Variants in AUTS2 observed in about 807,000 individuals in gnomAD.
AUTS2 encodes autism susceptibility gene 2 protein.
Under a neutral mutation model 112.4 loss-of-function variants are expected in AUTS2, and 17 were observed. That is an observed-to-expected ratio of 0.15 (90% CI 0.10 to 0.23). The LOEUF is 0.23. Among genes scored for constraint, AUTS2 ranks in the 10% least tolerant of loss-of-function variants. The pLI is 1.00. For synonymous variants in AUTS2, 751 were observed against 702.7 expected (o/e 1.07, Z -1.09); for missense variants, 1,510 against 1,701.6 (o/e 0.89, Z 1.98).
At chr7:70,064,729 T>G (rs1802410042) in intron 2 of AUTS2, among the ~76,000 whole-genome samples, 1 of 152,206 alleles carries the variant, frequency 6.6e-6, no homozygotes, top group Non-Finnish European at 1.5e-5. Flanking sequence ...AAATTCTTTT[T>G]AAGAGTCATA....
chr7:70,618,790 A>G (rs1804516488), intron 5 of AUTS2, among the ~76,000 whole-genome samples: 1 of 152,152 alleles, frequency 6.6e-6, no homozygotes, highest in Admixed American at 6.5e-5. Flanking sequence ...AAAAAGAGAA[A>G]CACAAAAGAA....
intron 2 of AUTS2, among the ~76,000 whole-genome samples, chr7:69,972,334 C>A (rs533605368): frequency 6.6e-6 from 1 of 152,136 alleles, no homozygotes; most frequent in East Asian, 1.9e-4. Flanking sequence ...TTCACAGTTC[C>A]TAATATTTTC....
chr7:70,665,680 G>A (rs982258740), intron 5 of AUTS2, among the ~76,000 whole-genome samples: 4 of 152,102 alleles, frequency 2.6e-5, no homozygotes, highest in Admixed American at 1.3e-4. Context: ...TAAACAACTC[G>A]GGTTTGAAAT....
At chr7:70,610,790 T>A (rs1804053791) in intron 5 of AUTS2, among the ~76,000 whole-genome samples, 1 of 152,214 alleles carries the variant, frequency 6.6e-6, no homozygotes, top group Non-Finnish European at 1.5e-5. Flanking sequence ...TAGTTCTTCT[T>A]TTGAAAAATG....
At chr7:70,653,072 T>C (rs1806592295) in intron 5 of AUTS2, among the ~76,000 whole-genome samples, 1 of 151,964 alleles carries the variant, frequency 6.6e-6, no homozygotes, top group Non-Finnish European at 1.5e-5. Context: ...CTGGGCAACA[T>C]AGGAAGACTC....
intron 1 of AUTS2, among the ~76,000 whole-genome samples, chr7:69,677,553 A>G (rs966580078): frequency 2.6e-5 from 4 of 152,200 alleles, no homozygotes; most frequent in African/African-American, 9.6e-5. Context: ...GTCTACGTGG[A>G]TGAAAGGAGA....
chr7:70,144,071 A>T (rs1479860463), intron 4 of AUTS2, among the ~76,000 whole-genome samples: 1 of 152,040 alleles, frequency 6.6e-6, no homozygotes, highest in Non-Finnish European at 1.5e-5. Context: ...GAGCTCATCC[A>T]AGCCCGTGCT....
chr7:70,625,756 C>A (rs1048440435), intron 5 of AUTS2, among the ~76,000 whole-genome samples: 1 of 152,116 alleles, frequency 6.6e-6, no homozygotes, highest in African/African-American at 2.4e-5. Context: ...CACGTACATT[C>A]GTGGCTATAG....
chr7:70,183,860 C>CTTTTT (rs1554334213), intron 4 of AUTS2, among the ~76,000 whole-genome samples: 1 of 137,432 alleles, frequency 7.3e-6, no homozygotes. Flanking sequence ...GTTGCCCCTT[C>CTTTTT]TGTCTTTCTG....
chr7:70,774,392 A>G (rs770909982), intron 12 of AUTS2: 33 of 364,858 alleles, frequency 9.0e-5, no homozygotes, highest in East Asian at 5.0e-4. Context: ...TACTTAACCA[A>G]TCTTCTCTGT....
At chr7:70,180,174 T>A (rs777180259) in intron 4 of AUTS2, among the ~76,000 whole-genome samples, 1 of 152,152 alleles carries the variant, frequency 6.6e-6, no homozygotes, top group Non-Finnish European at 1.5e-5. Flanking sequence ...CTTCAGATTT[T>A]AAAAAATAAG....
intron 2 of AUTS2, among the ~76,000 whole-genome samples, chr7:70,006,027 TGTGTTA>T (rs1799531781): frequency 1.3e-5 from 2 of 152,160 alleles, no homozygotes; most frequent in Non-Finnish European, 2.9e-5. Flanking sequence ...AATGCACGCA[TGTGTTA>T]GTGTTTAGTG....
intron 4 of AUTS2, among the ~76,000 whole-genome samples, chr7:70,274,772 G>A (rs1787853035): frequency 6.6e-6 from 1 of 152,128 alleles, no homozygotes; most frequent in South Asian, 2.1e-4. Flanking sequence ...TGCCATGGAG[G>A]CCTGAAAAGG....
intron 1 of AUTS2, among the ~76,000 whole-genome samples, chr7:69,688,916 A>G (rs1227320544): frequency 6.6e-6 from 1 of 152,190 alleles, no homozygotes; most frequent in Admixed American, 6.5e-5. Flanking sequence ...ACATGTGTAA[A>G]TTTTATTCCA....
At chr7:70,414,402 G>A (rs1794907397) in intron 4 of AUTS2, among the ~76,000 whole-genome samples, 1 of 152,192 alleles carries the variant, frequency 6.6e-6, no homozygotes, top group Admixed American at 6.5e-5. Context: ...TCAGCAGTGG[G>A]ACTGGCAGAA....
At chr7:69,841,086 G>A (rs1466800306) in intron 1 of AUTS2, among the ~76,000 whole-genome samples, 1 of 152,156 alleles carries the variant, frequency 6.6e-6, no homozygotes, top group African/African-American at 2.4e-5. Flanking sequence ...CTGACAGTAG[G>A]AGCTTCCTGA....
chr7:70,747,473 T>G (rs1217265554), intron 6 of AUTS2, among the ~76,000 whole-genome samples: 3 of 152,204 alleles, frequency 2.0e-5, no homozygotes, highest in Non-Finnish European at 4.4e-5. Flanking sequence ...TATTATTTAT[T>G]TTTGAGACGG....
intron 5 of AUTS2, among the ~76,000 whole-genome samples, chr7:70,645,914 C>T (rs1466081715): frequency 6.6e-6 from 1 of 151,910 alleles, no homozygotes; most frequent in Non-Finnish European, 1.5e-5. Context: ...GCCTCAGTAT[C>T]GTTTATTCCA....
chr7:70,375,371 G>A (rs1442362775), intron 4 of AUTS2, among the ~76,000 whole-genome samples: 1 of 152,184 alleles, frequency 6.6e-6, no homozygotes, highest in Non-Finnish European at 1.5e-5. Flanking sequence ...ACATTAAAAT[G>A]TGTGTACCTG....
Sources: gnomAD v4.1 joint callset for allele counts (sites outside exome capture counted in the v4.1 genomes callset) on GRCh38, gnomAD v4.1.1 for gene constraint, MANE v1.5 for transcripts, NCBI Gene and HGNC (gene_info 2026-07-23, HGNC 2026-07-21) for gene names.